Variants in ROR1 observed in about 807,000 individuals in gnomAD.
The protein encoded by ROR1 is inactive tyrosine-protein kinase transmembrane receptor ROR1.
A neutral mutation model predicts 78.8 loss-of-function variants in ROR1; 19 were observed. The ratio of observed to expected loss-of-function variants is 0.24; its 90% confidence interval spans 0.17 to 0.35. The LOEUF is 0.35. ROR1 is among the 10% of genes least tolerant of loss of function. The pLI is 1.00. For missense variants in ROR1, 917 were observed against 1,177.8 expected, an observed-to-expected ratio of 0.78 and a Z score of 3.24; for synonymous variants, 386 against 433.6, an observed-to-expected ratio of 0.89 and a Z score of 1.36.
intron 4 of ROR1, among the ~76,000 whole-genome samples, chr1:64,129,969 C>T (rs532784856): frequency 5.9e-4 from 90 of 151,998 alleles, no homozygotes; most frequent in African/African-American, 1.4e-3. Flanking sequence ...TATGACAGAA[C>T]GTTATTCATC....
chr1:63,999,972 T>A (rs79281106), intron 1 of ROR1, among the ~76,000 whole-genome samples: 1 of 152,192 alleles, frequency 6.6e-6, no homozygotes, highest in African/African-American at 2.4e-5. Context: ...TTGTTTCTTT[T>A]GAGTGGCATG....
intron 1 of ROR1, among the ~76,000 whole-genome samples, chr1:63,985,062 G>A (rs1318483828): frequency 2.0e-5 from 3 of 152,134 alleles, no homozygotes; most frequent in Non-Finnish European, 4.4e-5. Flanking sequence ...TACCCAGGGT[G>A]TGTTGAACTC....
chr1:63,841,253 G>A (rs2100314005), intron 1 of ROR1, among the ~76,000 whole-genome samples: 1 of 152,310 alleles, frequency 6.6e-6, no homozygotes, highest in East Asian at 1.9e-4. Flanking sequence ...TGCTAAATGT[G>A]GAACTTGGAA....
chr1:63,961,145 C>G (rs1466296896), intron 1 of ROR1, among the ~76,000 whole-genome samples: 1 of 151,620 alleles, frequency 6.6e-6, no homozygotes, highest in Non-Finnish European at 1.5e-5. Flanking sequence ...TTAAACTCCC[C>G]TTAAGCTCCT....
At chr1:63,975,258 T>C (rs1322884666) in intron 1 of ROR1, among the ~76,000 whole-genome samples, 1 of 152,188 alleles carries the variant, frequency 6.6e-6, no homozygotes, top group African/African-American at 2.4e-5. Context: ...GCTCAAAATA[T>C]CTCCCAAACG....
At chr1:64,010,980 G>C (rs1183773107) in intron 2 of ROR1, among the ~76,000 whole-genome samples, 1 of 152,102 alleles carries the variant, frequency 6.6e-6, no homozygotes, top group East Asian at 1.9e-4. Flanking sequence ...AGCAGCATGA[G>C]AACAAACTAA....
chr1:64,089,736 G>C (rs568082058), intron 4 of ROR1, among the ~76,000 whole-genome samples: 134 of 152,250 alleles, frequency 8.8e-4, no homozygotes, highest in African/African-American at 3.1e-3. Flanking sequence ...TGCAGGAAAA[G>C]GTTTGTTATT....
intron 4 of ROR1, among the ~76,000 whole-genome samples, chr1:64,080,806 A>C (rs760933002): frequency 6.6e-6 from 1 of 152,172 alleles, no homozygotes; most frequent in Non-Finnish European, 1.5e-5. Context: ...CTGTCTTTAA[A>C]AGATTGGACA....
At chr1:63,848,611 C>G (rs1057064098) in intron 1 of ROR1, among the ~76,000 whole-genome samples, 2 of 150,984 alleles carry the variant, frequency 1.3e-5, no homozygotes, top group Non-Finnish European at 2.9e-5. Context: ...GCTTAAACTA[C>G]TATAAACTGC....
intron 1 of ROR1, among the ~76,000 whole-genome samples, chr1:64,002,780 G>A (rs1175778025): frequency 6.6e-6 from 1 of 152,196 alleles, no homozygotes; most frequent in Non-Finnish European, 1.5e-5. Flanking sequence ...ATCCTTTGGG[G>A]ATTTTAGAAT....
At chr1:64,075,977 T>G (rs2100623943) in intron 4 of ROR1, among the ~76,000 whole-genome samples, 1 of 152,282 alleles carries the variant, frequency 6.6e-6, no homozygotes, top group Non-Finnish European at 1.5e-5. Context: ...CAGCAGTGGG[T>G]TTCCTCCAGT....
At chr1:63,833,537 G>T (rs555130435) in intron 1 of ROR1, among the ~76,000 whole-genome samples, 1 of 152,184 alleles carries the variant, frequency 6.6e-6, no homozygotes, top group Non-Finnish European at 1.5e-5. Flanking sequence ...TGGCTAGCTC[G>T]GGGACGAGCC....
intron 1 of ROR1, among the ~76,000 whole-genome samples, chr1:63,914,933 G>A (rs1477091043): frequency 6.6e-6 from 1 of 152,104 alleles, no homozygotes; most frequent in African/African-American, 2.4e-5. Flanking sequence ...AGCCTCCTGA[G>A]TTCACTGGCA....
At chr1:63,928,311 G>T (rs1645724175) in intron 1 of ROR1, among the ~76,000 whole-genome samples, 1 of 152,170 alleles carries the variant, frequency 6.6e-6, no homozygotes, top group African/African-American at 2.4e-5. Context: ...CAGTCTGGGT[G>T]GTTTGTCTGC....
chr1:63,880,396 G>A (rs1411834851), intron 1 of ROR1, among the ~76,000 whole-genome samples: 2 of 152,210 alleles, frequency 1.3e-5, no homozygotes, highest in East Asian at 3.9e-4. Flanking sequence ...GAAGCTGATG[G>A]GGTAATAGTT....
chr1:63,887,005 G>A (rs1253523438), intron 1 of ROR1, among the ~76,000 whole-genome samples: 1 of 152,180 alleles, frequency 6.6e-6, no homozygotes, highest in Non-Finnish European at 1.5e-5. Flanking sequence ...CCTCCCAAAA[G>A]AATTTCCTAT....
intron 2 of ROR1, among the ~76,000 whole-genome samples, chr1:64,012,652 G>A (rs1372984984): frequency 6.6e-6 from 1 of 152,096 alleles, no homozygotes; most frequent in East Asian, 1.9e-4. Context: ...GGGGAAGAAA[G>A]CCACCATTAG....
intron 1 of ROR1, among the ~76,000 whole-genome samples, chr1:63,834,926 C>T (rs1176507495): frequency 6.6e-6 from 1 of 152,054 alleles, no homozygotes; most frequent in Non-Finnish European, 1.5e-5. Context: ...TCTTCTAGAC[C>T]TGCTGTTCAT....
At chr1:64,108,293 A>T (rs760971919) in intron 4 of ROR1, 2 of 149,306 alleles carry the variant, frequency 1.3e-5, no homozygotes, top group Non-Finnish European at 3.0e-5. Flanking sequence ...GCTACTAGGG[A>T]GGCTAAGCCA....
Sources: gnomAD v4.1 joint callset for allele counts (sites outside exome capture counted in the v4.1 genomes callset) on GRCh38, gnomAD v4.1.1 for gene constraint, MANE v1.5 for transcripts, NCBI Gene and HGNC (gene_info 2026-07-23, HGNC 2026-07-21) for gene names.